Variants in CYP4X1 observed in about 807,000 individuals in gnomAD.
CYP4X1 encodes the protein cytochrome P450 4X1.
Under a neutral mutation model 57.9 loss-of-function variants are expected in CYP4X1, and 44 were observed. That is an observed-to-expected ratio of 0.76 (90% CI 0.60 to 0.98). CYP4X1 has a LOEUF of 0.98. CYP4X1 is among the 50% of genes least tolerant of loss of function. The probability of loss-of-function intolerance (pLI) is 0.00; values close to 1 mark genes in which losing one functional copy is unlikely to be tolerated. For missense variants in CYP4X1, 532 were observed against 623.9 expected (o/e 0.85, Z 1.57); for synonymous variants, 227 against 228.6 (o/e 0.99, Z 0.06).
the CYP4X1 span, among the ~76,000 whole-genome samples, chr1:46,977,995 C>T: frequency 6.6e-6 from 1 of 152,074 alleles, no homozygotes; most frequent in Non-Finnish European, 1.5e-5. Context: ...TGGAAAGGAA[C>T]AACCAGTACC....
chr1:47,036,229 GT>G, intron 6 of CYP4X1, 58 bp downstream of exon 6: 1 of 1,510,928 alleles, frequency 6.6e-7, no homozygotes. Flanking sequence ...TACTGTGTCT[GT>G]CTAGAGGGAT....
intron 1 of CYP4X1, among the ~76,000 whole-genome samples, chr1:47,024,304 A>G (rs1352985208): frequency 3.3e-5 from 5 of 152,344 alleles, no homozygotes; most frequent in African/African-American, 1.2e-4. Flanking sequence ...TTGCTTCACC[A>G]AGCCTTCCAC....
chr1:47,011,217 C>T, the CYP4X1 span, among the ~76,000 whole-genome samples: 1 of 152,064 alleles, frequency 6.6e-6, no homozygotes, highest in African/African-American at 2.4e-5. Flanking sequence ...GAGATATAGA[C>T]CAATGGAACA....
the CYP4X1 span, among the ~76,000 whole-genome samples, chr1:46,999,026 T>TTGTGTGTGTGTGTGTGTGTGTGTGTG: frequency 5.6e-5 from 8 of 143,328 alleles, no homozygotes; most frequent in African/African-American, 1.9e-4. Context: ...CTTGCTTTCT[T>TTGTGTGTGTGTGTGTGTGTGTGTGTG]TGTGTGTGTG....
chr1:47,012,560 TA>T, the CYP4X1 span, among the ~76,000 whole-genome samples: 565 of 143,732 alleles, frequency 3.9e-3, 3 homozygotes, highest in African/African-American at 0.013. Flanking sequence ...AGTATAATAA[TA>T]AAAAAAACTA....
Position 47,050,282 on chromosome 1 carries a change from T to G in CYP4X1, c.*108T>G. On this transcript the variant is annotated 3_prime_UTR_variant, in exon 12 of 12. Coordinates refer to ENST00000371901, the MANE Select transcript of CYP4X1 (RefSeq NM_178033.2). ...AATGTATGGTGGGAGGATTGGAGGT[T>G]GGTGGGATAGGGGTCTCTGTGAAGA... 2.3e-6 allele frequency: 3 copies of G among 1,328,378 alleles called. No individual in the cohort carries two copies. Among genetic ancestry groups the G allele is most frequent in the African/African-American group, 1.5e-5 (1 of 68,672 alleles). The allele number at this position is 1,328,378 out of a possible 1,614,324, so 82.3% of individuals were successfully genotyped here. A position where few individuals can be genotyped will look rare whatever the true frequency, so the allele number is the denominator to read the frequency against.
At chr1:47,024,073 A>C in intron 1 of CYP4X1, 79 bp downstream of exon 1, 1 of 1,495,742 alleles carries the variant, frequency 6.7e-7, no homozygotes, top group South Asian at 1.3e-5. Flanking sequence ...CGGCAGAGAG[A>C]CGCAGCTTTC....
chr1:46,999,156 T>C, the CYP4X1 span, among the ~76,000 whole-genome samples: 533 of 152,122 alleles, frequency 3.5e-3, 4 homozygotes, highest in African/African-American at 0.012. Flanking sequence ...CAATACCAGC[T>C]CTTCTCTGTT....
chr1:46,979,658 G>A, the CYP4X1 span, among the ~76,000 whole-genome samples: 2 of 152,104 alleles, frequency 1.3e-5, no homozygotes, highest in Non-Finnish European at 2.9e-5. Flanking sequence ...ACCAAAGCCT[G>A]GCAGAGACAC....
Position 47,023,732 on chromosome 1 carries a change from G to C in CYP4X1, c.-86G>C. The C allele has an allele frequency of 6.7e-7, 1 of 1,500,650 alleles. No homozygotes were observed. The highest frequency in any genetic ancestry group is 8.9e-7 in the Non-Finnish European group (1 of 1,128,360). The allele number at this position is 1,500,650 out of a possible 1,614,324, so 93.0% of individuals were successfully genotyped here. On this transcript the variant is annotated 5_prime_UTR_variant, in exon 1 of 12. Coordinates refer to ENST00000371901, the MANE Select transcript of CYP4X1 (RefSeq NM_178033.2). ...AGGGCCCAGAGAGGCGGTGGGGTGG[G>C]CGACCCTACGCCAGCTCCGGGCGGG...
downstream of CYP4X1, among the ~76,000 whole-genome samples, chr1:47,052,460 T>C (rs532822909): frequency 6.6e-6 from 1 of 152,276 alleles, no homozygotes; most frequent in African/African-American, 2.4e-5. Context: ...CTTTATCCCT[T>C]AACTCTCAAA....
the CYP4X1 span, among the ~76,000 whole-genome samples, chr1:46,971,033 T>TA: frequency 7.2e-5 from 11 of 152,190 alleles, no homozygotes; most frequent in Non-Finnish European, 1.3e-4. Context: ...GTCACCCAGA[T>TA]AAAAAGCATT....
At chr1:47,029,393 T>C (rs1275179847) in intron 1 of CYP4X1, among the ~76,000 whole-genome samples, 1 of 152,214 alleles carries the variant, frequency 6.6e-6, no homozygotes, top group Non-Finnish European at 1.5e-5. Context: ...GAAAGTTTTG[T>C]ATTTGAGTTT....
chr1:47,049,613 T>G (rs1400649174), intron 11 of CYP4X1, 109 bp downstream of exon 11: 1 of 988,698 alleles, frequency 1.0e-6, no homozygotes, highest in Non-Finnish European at 1.6e-6. Flanking sequence ...CCGTAGATCT[T>G]GGTGCCTATT....
chr1:47,041,391 T>G (rs1186101255), intron 8 of CYP4X1, among the ~76,000 whole-genome samples: 1 of 152,190 alleles, frequency 6.6e-6, no homozygotes, highest in Non-Finnish European at 1.5e-5. Context: ...ATGGCTGTAC[T>G]AATTTACATT....
At chr1:46,976,545 A>G in the CYP4X1 span, among the ~76,000 whole-genome samples, 3 of 152,188 alleles carry the variant, frequency 2.0e-5, no homozygotes, top group African/African-American at 4.8e-5. Context: ...AAGGTAGCAG[A>G]AACTTCTGCA....
intron 6 of CYP4X1, among the ~76,000 whole-genome samples, chr1:47,037,200 TGAA>T: frequency 6.6e-6 from 1 of 151,872 alleles, no homozygotes; most frequent in Non-Finnish European, 1.5e-5. Flanking sequence ...ACAATTATGA[TGAA>T]AAAGCAAAAT....
chr1:47,046,517 G>T lies in CYP4X1; in HGVS notation c.1124G>T (p.Cys375Phe). ...ACCACAATGTGCATCAAGGAGACGT[G>T]CCGATTGATTCCTGCAGTCCCGTCC... ...SYTTMCIKET[C>F]RLIPAVPSIS... Residue 375 changes from cysteine to phenylalanine, a missense_variant, in exon 9 of 12, where the codon TGC becomes TTC. Coordinates refer to ENST00000371901, the MANE Select transcript of CYP4X1 (RefSeq NM_178033.2). 1 of 1,614,148 alleles carries T rather than the reference G, an allele frequency of 6.2e-7. No individual in the cohort carries two copies. Among genetic ancestry groups the T allele is most frequent in the East Asian group, 2.2e-5 (1 of 44,882 alleles).
At chr1:47,029,636 T>C (rs999186486) in intron 1 of CYP4X1, among the ~76,000 whole-genome samples, 2 of 152,214 alleles carry the variant, frequency 1.3e-5, no homozygotes, top group African/African-American at 4.8e-5. Flanking sequence ...GAAATACTTC[T>C]TTTTAGCTTC....
Sources: allele counts gnomAD v4.1 joint callset (sites outside exome capture counted in the v4.1 genomes callset), GRCh38; gene constraint gnomAD v4.1.1; transcripts MANE v1.5; gene names NCBI Gene and HGNC (gene_info 2026-07-23, HGNC 2026-07-21).